The following TRIM33 variants were observed in gnomAD, a reference collection of about 807,000 sequenced individuals.
The protein encoded by TRIM33 is E3 ubiquitin-protein ligase TRIM33.
Under a neutral mutation model 125.4 loss-of-function variants are expected in TRIM33, and 20 were observed. The ratio of observed to expected loss-of-function variants is 0.16; its 90% CI spans 0.11 to 0.23. TRIM33 has a LOEUF of 0.23. TRIM33 is among the 10% of genes least tolerant of loss of function. The probability of loss-of-function intolerance (pLI) is 1.00; values close to 1 mark genes in which losing one functional copy is unlikely to be tolerated. For missense variants in TRIM33, 920 were observed against 1,411.4 expected, an observed-to-expected ratio of 0.65 and a Z score of 5.58; for synonymous variants, 564 against 513.9, an observed-to-expected ratio of 1.10 and a Z score of -1.32.
At position 114,394,922 on chromosome 1, in the gene TRIM33, A is replaced by G. The variant is rs1651463843; in HGVS notation, c.*2726T>C. 1 of 194,592 alleles carries G rather than the reference A, an allele frequency of 5.1e-6. No homozygotes were observed. The highest frequency in any genetic ancestry group is 1.9e-4 in the South Asian group (1 of 5,198). 12.1% of individuals were successfully genotyped at this position (194,592 alleles called of 1,614,324 possible). ...CTTTAAAAGCTTTTAAGAAAACATT[A>G]TTATGTGGACTTTTCTCCAAATCTT... On this transcript the variant is annotated 3_prime_UTR_variant, in exon 20 of 20. Coordinates refer to ENST00000358465, the MANE Select transcript of TRIM33 (RefSeq NM_015906.4).
intron 4 of TRIM33, among the ~76,000 whole-genome samples, chr1:114,446,941 T>C (rs1353846020): frequency 6.6e-6 from 1 of 152,086 alleles, no homozygotes; most frequent in Non-Finnish European, 1.5e-5. Flanking sequence ...CTTGGGAGGC[T>C]GAGGCAGAAG....
intron 10 of TRIM33, 76 bp from the exon 11 acceptor site, chr1:114,421,712 AG>A (rs746024270): frequency 2.3e-4 from 329 of 1,437,244 alleles, no homozygotes; most frequent in Non-Finnish European, 3.0e-4. Flanking sequence ...TATAATTTTT[AG>A]TTTAGGAAGG....
intron 4 of TRIM33, among the ~76,000 whole-genome samples, 154 bp from the exon 5 acceptor site, chr1:114,433,887 T>G (rs1203850674): frequency 6.6e-6 from 1 of 152,170 alleles, no homozygotes; most frequent in Admixed American, 6.5e-5. Flanking sequence ...AACTTTTAAC[T>G]GGCAATCACC....
chr1:114,482,081 A>G (rs1397683976), intron 1 of TRIM33, among the ~76,000 whole-genome samples: 11 of 152,180 alleles, frequency 7.2e-5, no homozygotes, highest in Non-Finnish European at 1.0e-4. Flanking sequence ...AAAATGTTCT[A>G]TATCTGCACT....
intron 8 of TRIM33, 21 bp downstream of exon 8, chr1:114,427,156 A>T (rs747912547): frequency 7.3e-6 from 9 of 1,234,412 alleles, no homozygotes; most frequent in South Asian, 1.3e-5. Context: ...AGTTATATTC[A>T]TAAAACTCAT....
At chr1:114,489,447 C>A (rs2101527610) in intron 1 of TRIM33, among the ~76,000 whole-genome samples, 1 of 152,264 alleles carries the variant, frequency 6.6e-6, no homozygotes, top group Non-Finnish European at 1.5e-5. Context: ...CCTCATCAAA[C>A]TTAAAAACTT....
intron 4 of TRIM33, among the ~76,000 whole-genome samples, chr1:114,451,277 T>C (rs1323790504): frequency 6.6e-6 from 1 of 152,014 alleles, no homozygotes; most frequent in Non-Finnish European, 1.5e-5. Flanking sequence ...AATATATTGA[T>C]TGGCTTCCTT....
intron 4 of TRIM33, among the ~76,000 whole-genome samples, chr1:114,461,207 T>C (rs1189929449): frequency 1.2e-5 from 1 of 86,858 alleles, no homozygotes; most frequent in African/African-American, 6.8e-5. Flanking sequence ...CAAGAACCTG[T>C]CTTTAAAAAT....
chr1:114,393,605 T>G lies in TRIM33; in HGVS notation c.*4043A>C, dbSNP rs941267502. 1 of 210,984 alleles carries G rather than the reference T, an allele frequency of 4.7e-6. No individual in the cohort carries two copies. The highest frequency in any genetic ancestry group is 2.3e-5 in the African/African-American group (1 of 44,118). 13.1% of individuals were successfully genotyped at this position (210,984 alleles called of 1,614,324 possible). A position where few individuals can be genotyped will look rare whatever the true frequency, so the allele number is the denominator to read the frequency against. On this transcript the variant is annotated 3_prime_UTR_variant, in exon 20 of 20. Transcript: ENST00000358465. ...AATAAAAAATATATAAAGGACCACA[T>G]AGGCAAACACAAGGAACTAAGATGA...
intron 1 of TRIM33, among the ~76,000 whole-genome samples, chr1:114,505,086 G>A: frequency 6.6e-6 from 1 of 152,182 alleles, no homozygotes; most frequent in East Asian, 1.9e-4. Flanking sequence ...TGATGTAGGT[G>A]TAATTATTAC....
intron 1 of TRIM33, among the ~76,000 whole-genome samples, chr1:114,482,400 G>C (rs150760400): frequency 1.3e-5 from 2 of 152,242 alleles, no homozygotes; most frequent in East Asian, 3.9e-4. Flanking sequence ...GAAGAAAGGG[G>C]AACGAAACTC....
intron 5 of TRIM33, 55 bp downstream of exon 5, chr1:114,433,562 G>C: frequency 9.4e-7 from 1 of 1,058,690 alleles, no homozygotes; most frequent in Non-Finnish European, 1.4e-6. Context: ...ATTTAAACTG[G>C]ACCCACTTCT....
rs917588982 is a variant in TRIM33, at chr1:114,443,158, T to C, written c.924-9425A>G. Among the ~76,000 whole-genome samples, 3 of 150,314 alleles carry C rather than the reference T, an allele frequency of 2.0e-5. 1 individual carries two copies. The highest frequency in any genetic ancestry group is 4.2e-4 in the South Asian group (2 of 4,744). ...CAGCACTTTGGGAGGCTGAGGCAGG[T>C]AGATCACAAGGTCAGGAGTTCAAGA... On this transcript the variant is annotated intron_variant, in intron 4 of 19. Coordinates refer to ENST00000358465, the MANE Select transcript of TRIM33 (RefSeq NM_015906.4).
chr1:114,490,424 T>C (rs995635471), intron 1 of TRIM33, among the ~76,000 whole-genome samples: 2 of 152,152 alleles, frequency 1.3e-5, no homozygotes, highest in African/African-American at 2.4e-5. Context: ...GGAACCCTCA[T>C]ACATATTGCT....
At chr1:114,506,679 C>A (rs1161693470) in intron 1 of TRIM33, among the ~76,000 whole-genome samples, 1 of 152,114 alleles carries the variant, frequency 6.6e-6, no homozygotes, top group East Asian at 1.9e-4. Flanking sequence ...TATATACCCA[C>A]TACTGATAGC....
rs368550636 is a variant in TRIM33, at chr1:114,407,034, G to A, written c.2325C>T (p.Val775=). Reference sequence around the variant, plus strand: ...CATCTTCAGTCCCAGGTTCTTGCTTGACCTTCACCTGATCAGATTTGAAAC... The same window carrying A: ...CATCTTCAGTCCCAGGTTCTTGCTTAACCTTCACCTGATCAGATTTGAAAC... The part of the protein sequence containing the change: ...SLSFKSDQVK[V]KQEPGTEDEI... The change falls in exon 14 of 20, where the codon GTC becomes GTT. Residue 775 remains valine (V), a synonymous_variant. Coordinates refer to ENST00000358465, the MANE Select transcript of TRIM33 (RefSeq NM_015906.4). 6 of 1,613,778 alleles carry A rather than the reference G, an allele frequency of 3.7e-6. No homozygotes were observed. Among genetic ancestry groups the A allele is most frequent in the Admixed American group, 1.7e-5 (1 of 59,998 alleles).
In TRIM33 at chr1:114,427,163, T is replaced by C. The variant is rs1188294943; in HGVS notation, c.1420+14A>G. ...GTGTTCCAAGTTATATTCATAAAAC[T>C]CATTATTTCTCACCTAAATTGACTA... is the stretch of plus-strand genomic sequence containing the variant. On this transcript the variant is annotated intron_variant, in intron 8 of 19. Transcript: ENST00000358465. 1 of 1,287,376 alleles carries C rather than the reference T, an allele frequency of 7.8e-7. No individual in the cohort carries two copies. The highest frequency in any genetic ancestry group is 1.5e-5 in the African/African-American group (1 of 68,026). The allele number at this position is 1,287,376 out of a possible 1,614,324, so 79.7% of individuals were successfully genotyped here.
intron 1 of TRIM33, among the ~76,000 whole-genome samples, chr1:114,484,286 C>T (rs1352604237): frequency 1.3e-5 from 2 of 152,124 alleles, no homozygotes; most frequent in Admixed American, 6.6e-5. Flanking sequence ...GAAACTCTAA[C>T]CATGCCCACG....
In TRIM33 at chr1:114,401,281, C is replaced by T. The variant is rs983395182; in HGVS notation, c.2967+108G>A. On this transcript the variant is annotated intron_variant, in intron 17 of 19. Coordinates refer to ENST00000358465, the MANE Select transcript of TRIM33 (RefSeq NM_015906.4). Reference sequence around the variant, plus strand: ...CCTCGTGATCCGCCTGCCTCGGCCTCCCAAAGTGCTGGGATTACAGGCGTG... The same window carrying T: ...CCTCGTGATCCGCCTGCCTCGGCCTTCCAAAGTGCTGGGATTACAGGCGTG... 5.6e-5 allele frequency: 39 copies of T among 690,382 alleles called. 1 individual carries two copies. In the South Asian group the frequency reaches 7.8e-4, roughly 14 times the overall value. 42.8% of individuals were successfully genotyped at this position (690,382 alleles called of 1,614,324 possible). A position where few individuals can be genotyped will look rare whatever the true frequency, so the allele number is the denominator to read the frequency against.
Sources: gnomAD v4.1 joint callset for allele counts (sites outside exome capture counted in the v4.1 genomes callset) on GRCh38, gnomAD v4.1.1 for gene constraint, MANE v1.5 for transcripts, NCBI Gene and HGNC (gene_info 2026-07-23, HGNC 2026-07-21) for gene names.